LEMD2: variants seen among roughly 807,000 people sequenced by gnomAD.
LEMD2 encodes LEM domain-containing protein 2.
A neutral mutation model predicts 58.8 loss-of-function variants in LEMD2; 34 were observed. The ratio of observed to expected loss-of-function variants is 0.58; its 90% confidence interval spans 0.44 to 0.77. The LOEUF (loss-of-function observed/expected upper bound fraction) is 0.77, where lower values mean the gene tolerates loss of function less well. Ranked by LOEUF, LEMD2 falls within the 30% of genes least tolerant of loss-of-function variation. LEMD2 has a pLI of 0.00. For synonymous variants in LEMD2, 298 were observed against 308.9 expected, an observed-to-expected ratio of 0.96 and a Z score of 0.37; for missense variants, 629 against 717.9, an observed-to-expected ratio of 0.88 and a Z score of 1.42.
intron 2 of LEMD2, 36 bp downstream of exon 2, chr6:33,786,698 G>A: frequency 1.3e-6 from 2 of 1,552,854 alleles, no homozygotes; most frequent in Non-Finnish European, 1.8e-6. Context: ...AATATCCTCA[G>A]GAAGAATAAT....
In LEMD2 at chr6:33,778,386, A is replaced by G. The variant is rs1292835713; in HGVS notation, c.1012T>C (p.Leu338=). The G allele has an allele frequency of 6.5e-7, 1 of 1,547,538 alleles. No homozygotes were observed. Among genetic ancestry groups the G allele is most frequent in the Non-Finnish European group, 8.7e-7 (1 of 1,142,910 alleles). Residue 338 remains leucine, a splice_region_variant and synonymous_variant, in exon 6 of 9, where the codon TTG becomes CTG. Coordinates refer to ENST00000293760, the MANE Select transcript of LEMD2 (RefSeq NM_181336.4). This position sits in a 1 kb window ranked among gnomAD's most constrained non-coding sequence, Gnocchi z 4.7. ...LSSNKDVGIW[L]KGEDQSELVT... is the part of the protein sequence containing the mutation. ...AATTCAGACTGGTCTTCTCCTTTCAACCTGAAACAGGACACAGGGCTCTGA... is the reference window on the plus strand; with the variant it reads ...AATTCAGACTGGTCTTCTCCTTTCAGCCTGAAACAGGACACAGGGCTCTGA...
chr6:33,781,015 G>A, intron 4 of LEMD2, 62 bp downstream of exon 4: 1 of 1,166,946 alleles, frequency 8.6e-7, no homozygotes. Context: ...AACAGGGCTT[G>A]AAAGACCAAT....
At chr6:33,774,828 G>A (rs1767392662) in intron 8 of LEMD2, among the ~76,000 whole-genome samples, 1 of 152,146 alleles carries the variant, frequency 6.6e-6, no homozygotes, top group Middle Eastern at 3.2e-3. Context: ...TTTTCCTTAT[G>A]CATCTTGTCA....
At chr6:33,780,360 G>A (rs575968540) in intron 4 of LEMD2, 181 bp from the exon 5 acceptor site, 2 of 639,166 alleles carry the variant, frequency 3.1e-6, no homozygotes, top group Non-Finnish European at 2.9e-6. Context: ...CAAGGAAGAG[G>A]CTATAACCAG....
chr6:33,771,384 G>A lies in LEMD2; in HGVS notation c.*1244C>T, dbSNP rs1032535885. ...ATCATCCAGACATCAGAGGAAATGA[G>A]AGTATTGCTCAAATGAGGGAGACTG... On this transcript the variant is annotated 3_prime_UTR_variant, in exon 9 of 9. Coordinates refer to ENST00000293760, the MANE Select transcript of LEMD2 (RefSeq NM_181336.4). 2.6e-5 allele frequency: 4 copies of A among 152,260 alleles called. No individual in the cohort carries two copies. The highest frequency in any genetic ancestry group is 4.4e-5 in the Non-Finnish European group (3 of 68,072). 9.4% of individuals were successfully genotyped at this position (152,260 alleles called of 1,614,324 possible). A position where few individuals can be genotyped will look rare whatever the true frequency, so the allele number is the denominator to read the frequency against.
At position 33,772,301 on chromosome 6, in the gene LEMD2, C is replaced by A; in HGVS notation, c.*327G>T. ...CTGGCGTGGCCATGCCCCAGCCCAC[C>A]AGCCCCACGCTTGTCAGCTGGGCCT... On this transcript the variant is annotated 3_prime_UTR_variant, in exon 9 of 9. Coordinates refer to ENST00000293760, the MANE Select transcript of LEMD2 (RefSeq NM_181336.4). The A allele has an allele frequency of 5.0e-6, 1 of 201,208 alleles. No homozygotes were observed. Among genetic ancestry groups the A allele is most frequent in the Non-Finnish European group, 1.0e-5 (1 of 99,918 alleles). 12.5% of individuals were successfully genotyped at this position (201,208 alleles called of 1,614,324 possible).
In LEMD2 at chr6:33,779,251, T is replaced by G. The variant is rs374750692; in HGVS notation, c.1010+849A>C. The stretch of plus-strand genomic sequence containing the variant: ...TAACACAGGAAAATTGCTCAGCTAC[T>G]CAGGGCAGCTTTTTTTTTTTTTTAA... On this transcript the variant is annotated intron_variant, in intron 5 of 8. Transcript: ENST00000293760. 6 of 149,726 alleles carry G rather than the reference T, an allele frequency of 4.0e-5. No homozygotes were observed. In the East Asian group the frequency reaches 5.8e-4, roughly 15 times the overall value. The allele number at this position is 149,726 out of a possible 1,614,324, so 9.3% of individuals were successfully genotyped here. A position where few individuals can be genotyped will look rare whatever the true frequency, so the allele number is the denominator to read the frequency against.
At chr6:33,780,714 C>T (rs1457965280) in intron 4 of LEMD2, among the ~76,000 whole-genome samples, 1 of 152,170 alleles carries the variant, frequency 6.6e-6, no homozygotes, top group Admixed American at 6.5e-5. Context: ...ATCAGACGGC[C>T]CCTGGGCAGT....
intron 4 of LEMD2, 82 bp downstream of exon 4, chr6:33,780,994 AC>A (rs1767552465): frequency 1.0e-6 from 1 of 954,496 alleles, no homozygotes. Flanking sequence ...CAAACAAAAA[AC>A]AAAAACCCCA....
chr6:33,773,413 T>C (rs567654973), intron 8 of LEMD2, among the ~76,000 whole-genome samples: 82 of 152,148 alleles, frequency 5.4e-4, no homozygotes, highest in Middle Eastern at 3.4e-3. Flanking sequence ...TCCAAAGCCA[T>C]GGGGGAGGGT....
intron 1 of LEMD2, 54 bp from the exon 2 acceptor site, chr6:33,786,828 T>C: frequency 6.2e-7 from 1 of 1,606,398 alleles, no homozygotes; most frequent in Non-Finnish European, 8.5e-7. Context: ...GAGAAAGGAA[T>C]ACAAAAAGAG....
intron 3 of LEMD2, among the ~76,000 whole-genome samples, chr6:33,783,511 C>T (rs1455248376): frequency 6.6e-6 from 1 of 152,232 alleles, no homozygotes; most frequent in East Asian, 1.9e-4. Flanking sequence ...TAAGATAGAA[C>T]TGCTCTGTCT....
At chr6:33,776,739 G>A (rs1045335472) in intron 8 of LEMD2, 3 of 591,198 alleles carry the variant, frequency 5.1e-6, no homozygotes, top group Non-Finnish European at 9.2e-6. Context: ...CAGAGGTGTG[G>A]GATTGTGCTT....
chr6:33,778,596 G>C lies in LEMD2; in HGVS notation c.1011-209C>G. ...AATAAAGCTTTAAAGACGGCAGCAG[G>C]CTTGAACCCCTACCGCTAAAGCAAC... On this transcript the variant is annotated intron_variant, in intron 5 of 8. Coordinates refer to ENST00000293760, the MANE Select transcript of LEMD2 (RefSeq NM_181336.4). The surrounding 1 kb of genome is among the most constrained non-coding windows in gnomAD (Gnocchi z 4.7). 2.5e-6 allele frequency: 1 copy of C among 398,722 alleles called. No homozygotes were observed. The highest frequency in any genetic ancestry group is 4.4e-6 in the Non-Finnish European group (1 of 226,376). The allele number at this position is 398,722 out of a possible 1,614,324, so 24.7% of individuals were successfully genotyped here. A position where few individuals can be genotyped will look rare whatever the true frequency, so the allele number is the denominator to read the frequency against.
In LEMD2 at chr6:33,771,385, A is replaced by G. The variant is rs1216544700; in HGVS notation, c.*1243T>C. ...TCATCCAGACATCAGAGGAAATGAGAGTATTGCTCAAATGAGGGAGACTGG... is the reference window on the plus strand; with the variant it reads ...TCATCCAGACATCAGAGGAAATGAGGGTATTGCTCAAATGAGGGAGACTGG... On this transcript the variant is annotated 3_prime_UTR_variant, in exon 9 of 9. Transcript: ENST00000293760. 1 of 152,224 alleles carries G rather than the reference A, an allele frequency of 6.6e-6. No homozygotes were observed. The highest frequency in any genetic ancestry group is 1.9e-4 in the East Asian group (1 of 5,192). The allele number at this position is 152,224 out of a possible 1,614,324, so 9.4% of individuals were successfully genotyped here.
chr6:33,777,224 C>T lies in LEMD2; in HGVS notation c.1172G>A (p.Trp391Ter). 6.2e-7 allele frequency: 1 copy of T among 1,613,908 alleles called. No homozygotes were observed. Among genetic ancestry groups the T allele is most frequent in the Non-Finnish European group, 8.5e-7 (1 of 1,179,806 alleles). Residue 391 changes from tryptophan to a stop codon, truncating the protein, a stop_gained, in exon 7 of 9, where the codon TGG (tryptophan) becomes TAG (stop). Transcript: ENST00000293760. LOFTEE classifies it high-confidence loss of function. ...ATATTTTAGGAGAATTAGGAGCCCC[C>T]ACAAAAAAGCCAAGCCTGTGAGGGA... ...LIFFWCLAFLWGLLILLKYRW... is the reference protein window; with the variant it reads ...LIFFWCLAFL
intron 8 of LEMD2, among the ~76,000 whole-genome samples, chr6:33,773,875 T>C (rs962248755): frequency 5.3e-5 from 8 of 152,192 alleles, no homozygotes; most frequent in Non-Finnish European, 1.0e-4. Context: ...CAATGTCTCC[T>C]GACGTGGGGA....
chr6:33,777,087 G>C, intron 7 of LEMD2, 31 bp from the exon 8 acceptor site: 1 of 1,611,128 alleles, frequency 6.2e-7, no homozygotes. Context: ...TTTAGGGCAA[G>C]GACCCTCTGG....
rs4711351 is a variant in LEMD2 at position 33,786,815 on chromosome 6, G to C, written c.737-41C>G. On this transcript the variant is annotated intron_variant, in intron 1 of 8. Coordinates refer to ENST00000293760, the MANE Select transcript of LEMD2 (RefSeq NM_181336.4). ...GAAACACAGAGGAAATTAAGTGTGG[G>C]TTGAGAAAGGAATACAAAAAGAGAC... 3 of 1,610,226 alleles carry C rather than the reference G, an allele frequency of 1.9e-6. No homozygotes were observed. The South Asian group carries it at 3.3e-5, about 18-fold the overall frequency.
Sources: gnomAD v4.1 joint callset for allele counts (sites outside exome capture counted in the v4.1 genomes callset) on GRCh38, gnomAD v4.1.1 for gene constraint, Gnocchi (gnomAD v3.1) non-coding constraint, MANE v1.5 for transcripts, NCBI Gene and HGNC (gene_info 2026-07-23, HGNC 2026-07-21) for gene names.